PLEKHA7: variants seen among roughly 807,000 people sequenced by gnomAD.
The protein encoded by PLEKHA7 is pleckstrin homology domain containing A7, also known as pleckstrin homology domain-containing family A member 7.
In PLEKHA7, 104 loss-of-function variants were observed where a neutral mutation model predicts 170.0. The ratio of observed to expected loss-of-function variants is 0.61; its 90% CI spans 0.52 to 0.72. The LOEUF (loss-of-function observed/expected upper bound fraction) is 0.72, where lower values mean the gene tolerates loss of function less well. PLEKHA7 is among the 30% of genes least tolerant of loss of function. PLEKHA7 has a pLI of 0.00. For synonymous variants in PLEKHA7, 648 were observed against 660.8 expected (o/e 0.98, Z 0.30); for missense variants, 1,615 against 1,671.7 (o/e 0.97, Z 0.59).
intron 4 of PLEKHA7, 64 bp downstream of exon 4, chr11:16,871,035 T>A: frequency 7.4e-7 from 1 of 1,349,822 alleles, no homozygotes; most frequent in South Asian, 1.2e-5. Context: ...AAGTTTTGTT[T>A]TCAGCAAATG....
chr11:16,928,733 G>C (rs1859733512), intron 3 of PLEKHA7, among the ~76,000 whole-genome samples: 1 of 152,014 alleles, frequency 6.6e-6, no homozygotes, highest in Admixed American at 6.6e-5. Flanking sequence ...GGGATTACAG[G>C]CATGAGCCAC....
chr11:16,994,922 AC>A (rs1306354362), intron 3 of PLEKHA7, among the ~76,000 whole-genome samples: 4 of 152,134 alleles, frequency 2.6e-5, no homozygotes, highest in Middle Eastern at 3.2e-3. Context: ...CCTTGAGGAC[AC>A]CAGTGTTGCT....
At chr11:16,931,995 T>G (rs971572125) in intron 3 of PLEKHA7, among the ~76,000 whole-genome samples, 41 of 152,144 alleles carry the variant, frequency 2.7e-4, no homozygotes, top group African/African-American at 9.2e-4. Flanking sequence ...CACAGTCTCA[T>G]CTTGTACTCA....
At chr11:16,835,002 G>A (rs1414841395) in intron 9 of PLEKHA7, among the ~76,000 whole-genome samples, 3 of 152,214 alleles carry the variant, frequency 2.0e-5, no homozygotes, top group Admixed American at 6.5e-5. Context: ...AGGCGCGGTG[G>A]CTCATGCCTG....
At chr11:16,956,796 A>G (rs1198815667) in intron 3 of PLEKHA7, among the ~76,000 whole-genome samples, 3 of 152,206 alleles carry the variant, frequency 2.0e-5, no homozygotes, top group Non-Finnish European at 2.9e-5. Context: ...GAAGCAGCAT[A>G]TCACACTTAC....
At chr11:16,934,118 G>A (rs56760592) in intron 3 of PLEKHA7, among the ~76,000 whole-genome samples, 2,441 of 152,220 alleles carry the variant, frequency 0.016, 77 homozygotes, top group African/African-American at 0.057. Context: ...GCCTCCTGCC[G>A]GCTTGGGAGA....
In PLEKHA7 at chr11:16,816,243, G is replaced by A. The variant is rs145841896; in HGVS notation, c.1888C>T (p.Arg630Cys). The A allele has an allele frequency of 1.9e-5, 31 of 1,613,600 alleles. No individual in the cohort carries two copies. The African/African-American group carries it at 3.1e-4, about 16-fold the overall frequency. ...AVKNSSHVDR[R>C]SMPSMGYMTH... ...ATGTAACCCATGGAGGGCATGGAGC[G>A]TCGGTCCACATGAGATGAGTTCTGC... The change falls in exon 12 of 27, where the codon CGC becomes TGC. Residue 630 changes from arginine to cysteine, a missense_variant. Coordinates refer to ENST00000531066, the MANE Select transcript of PLEKHA7 (RefSeq NM_001329630.2).
intron 3 of PLEKHA7, among the ~76,000 whole-genome samples, chr11:16,920,925 C>A (rs1436743161): frequency 6.6e-6 from 1 of 152,142 alleles, no homozygotes; most frequent in Non-Finnish European, 1.5e-5. Context: ...AAATGTTGTT[C>A]ATGTAATAAA....
At chr11:16,978,840 C>T (rs1863229564) in intron 3 of PLEKHA7, among the ~76,000 whole-genome samples, 1 of 152,156 alleles carries the variant, frequency 6.6e-6, no homozygotes, top group African/African-American at 2.4e-5. Context: ...TTTACCCTTT[C>T]CCAAAGCATA....
chr11:16,891,240 C>G (rs1340940674), intron 3 of PLEKHA7, among the ~76,000 whole-genome samples: 1 of 152,162 alleles, frequency 6.6e-6, no homozygotes, highest in African/African-American at 2.4e-5. Flanking sequence ...CTTGGAATAT[C>G]TGTGTGCAGC....
Position 16,801,066 on chromosome 11 carries a change from T to C in PLEKHA7, c.2317A>G (p.Asn773Asp), listed in dbSNP as rs141606517. ...AACTTCAGGTATTCGTTCCAAGCAT[T>C]TTCCATCTCCTGTTGGCCAAGACAA... Reference protein sequence around the residue: ...ELSRESTEMENAWNEYLKLEN... With the variant: ...ELSRESTEMEDAWNEYLKLEN... Residue 773 changes from asparagine (N) to aspartate (D), a missense_variant, in exon 17 of 27, where the codon AAT becomes GAT. By Grantham distance (23) the Asn-to-Asp change is conservative. Coordinates refer to ENST00000531066, the MANE Select transcript of PLEKHA7 (RefSeq NM_001329630.2). The C allele has an allele frequency of 2.0e-5, 33 of 1,614,038 alleles. No individual in the cohort carries two copies. In the African/African-American group the frequency reaches 2.9e-4, roughly 14 times the overall value.
At chr11:16,967,154 T>C (rs1862423783) in intron 3 of PLEKHA7, among the ~76,000 whole-genome samples, 1 of 152,256 alleles carries the variant, frequency 6.6e-6, no homozygotes, top group South Asian at 2.1e-4. Context: ...ATTCTCTACC[T>C]TATTTTTTAA....
chr11:16,968,760 T>C (rs975863047), intron 3 of PLEKHA7, among the ~76,000 whole-genome samples: 5 of 152,212 alleles, frequency 3.3e-5, no homozygotes, highest in Admixed American at 2.0e-4. Flanking sequence ...GCTGGCATGA[T>C]AGGCCTGCAA....
intron 3 of PLEKHA7, among the ~76,000 whole-genome samples, chr11:17,003,250 C>T (rs1204363919): frequency 6.6e-6 from 1 of 152,146 alleles, no homozygotes; most frequent in East Asian, 1.9e-4. Context: ...TTTGGCATCC[C>T]AAAGTGCTGG....
At chr11:16,795,259 T>C (rs1848140922) in intron 17 of PLEKHA7, 1 of 505,084 alleles carries the variant, frequency 2.0e-6, no homozygotes, top group African/African-American at 1.9e-5. Flanking sequence ...GCCTACCTAA[T>C]TTAAAAACAG....
intron 3 of PLEKHA7, among the ~76,000 whole-genome samples, chr11:16,908,073 G>C (rs1448748282): frequency 2.0e-5 from 3 of 151,720 alleles, no homozygotes; most frequent in Admixed American, 6.6e-5. Flanking sequence ...CAGCATGCTC[G>C]TTAAGAGTCA....
At chr11:16,854,614 A>G (rs540435852) in intron 6 of PLEKHA7, among the ~76,000 whole-genome samples, 29 of 152,270 alleles carry the variant, frequency 1.9e-4, no homozygotes, top group African/African-American at 6.5e-4. Context: ...AAGCTGACCC[A>G]CCCACACTGC....
intron 3 of PLEKHA7, among the ~76,000 whole-genome samples, chr11:16,911,169 G>T (rs566422766): frequency 6.6e-6 from 1 of 152,334 alleles, no homozygotes; most frequent in South Asian, 2.1e-4. Context: ...CAAAATGTGT[G>T]TATCTTTTTT....
intron 3 of PLEKHA7, among the ~76,000 whole-genome samples, chr11:16,915,351 CTTTT>C (rs1858562280): frequency 6.6e-6 from 1 of 152,046 alleles, no homozygotes; most frequent in Non-Finnish European, 1.5e-5. Context: ...GCCAAGTGGA[CTTTT>C]TTATTTTTAA....
Sources: allele counts gnomAD v4.1 joint callset (sites outside exome capture counted in the v4.1 genomes callset), GRCh38; gene constraint gnomAD v4.1.1; transcripts MANE v1.5; gene names NCBI Gene and HGNC (gene_info 2026-07-23, HGNC 2026-07-21).